The following ODAD1 variants were observed in gnomAD, a reference collection of about 807,000 sequenced individuals.
The protein encoded by ODAD1 is outer dynein arm docking complex subunit 1.
Under a neutral mutation model 67.2 loss-of-function variants are expected in ODAD1, and 49 were observed. That is an observed-to-expected ratio of 0.73 (90% CI 0.58 to 0.92). The LOEUF (loss-of-function observed/expected upper bound fraction) is 0.92, where lower values mean the gene tolerates loss of function less well. ODAD1 is among the 40% of genes least tolerant of loss of function. The probability of loss-of-function intolerance (pLI) is 0.00; values close to 1 mark genes in which losing one functional copy is unlikely to be tolerated. For synonymous variants in ODAD1, 345 were observed against 393.7 expected (o/e 0.88, Z 1.46); for missense variants, 897 against 953.7 (o/e 0.94, Z 0.78).
intron 11 of ODAD1, 22 bp from the exon 12 acceptor site, chr19:48,302,884 C>A (rs1165677493): frequency 1.2e-6 from 2 of 1,601,188 alleles, no homozygotes; most frequent in South Asian, 2.2e-5. Context: ...GGGCTGAATG[C>A]TGGGCCAGAT....
In ODAD1 at chr19:48,321,847, G is replaced by C. The variant is rs893815533; in HGVS notation, c.-233C>G. 3 of 398,496 alleles carry C rather than the reference G, an allele frequency of 7.5e-6. No individual in the cohort carries two copies. The highest frequency in any genetic ancestry group is 1.3e-4 in the South Asian group (1 of 7,878). 24.7% of individuals were successfully genotyped at this position (398,496 alleles called of 1,614,324 possible). On this transcript the variant is annotated 5_prime_UTR_variant, in exon 1 of 16. Transcript: ENST00000674294. ...GGAAGGAAGGCGGTGTCGAAGCCGG[G>C]AGTTGCGCGGAGAAGGAGCGCTCAA... is the stretch of plus-strand genomic sequence containing the variant.
intron 5 of ODAD1, among the ~76,000 whole-genome samples, chr19:48,312,412 G>GTTTTT (rs528076931): frequency 1.3e-5 from 1 of 76,936 alleles, no homozygotes; most frequent in Non-Finnish European, 2.3e-5. Flanking sequence ...TTTTTTTTTT[G>GTTTTT]TTTTTTTTTT....
rs886792871 is a variant in ODAD1, at chr19:48,318,402, C to A, written c.345G>T (p.Arg115Ser). Reference sequence around the variant, plus strand: ...CAAACCCCACCTGCTTGTCCAGGGCCCTGGTCTGCTCCTGCAGCTCCTCGA... The same window carrying A: ...CAAACCCCACCTGCTTGTCCAGGGCACTGGTCTGCTCCTGCAGCTCCTCGA... The part of the protein sequence containing the change: ...AEIEELQEQT[R>S]ALDKQIQEWE... The change falls in exon 5 of 16, where the codon AGG becomes AGT. Residue 115 changes from arginine to serine, a missense_variant. By Grantham distance (110) the Arg-to-Ser change is moderately radical (BLOSUM62 -1). Transcript: ENST00000674294. 3 of 1,551,572 alleles carry A rather than the reference C, an allele frequency of 1.9e-6. No homozygotes were observed. In the South Asian group the frequency reaches 3.6e-5, roughly 18 times the overall value.
intron 14 of ODAD1, 69 bp downstream of exon 14, chr19:48,297,931 A>G: frequency 7.8e-7 from 1 of 1,277,936 alleles, no homozygotes; most frequent in Non-Finnish European, 1.1e-6. Flanking sequence ...AAAACTCTCT[A>G]TCCTGTGTGT....
In ODAD1 at chr19:48,313,437, AAAAAAAAAACC is replaced by A. The variant is rs1326663787; in HGVS notation, c.361-1332_361-1322del. 2.9e-4 allele frequency among the ~76,000 whole-genome samples: 39 copies of A among 134,974 alleles called. 2 individuals carry two copies. The highest frequency in any genetic ancestry group is 3.7e-4 in the African/African-American group (12 of 32,688). The allele number at this position is 134,974 out of a possible 152,430, so 88.5% of individuals were successfully genotyped here. On this transcript the variant is annotated intron_variant, in intron 5 of 15. Transcript: ENST00000674294. ...ACAAGACTCCATCTCAAAAAAAAAAAAAAAAAAAACCAAAAAAAAACCTCACATGTTGAAGT... is the reference window on the plus strand; with the variant it reads ...ACAAGACTCCATCTCAAAAAAAAAAAAAAAAAAAACCTCACATGTTGAAGT...
intron 7 of ODAD1, among the ~76,000 whole-genome samples, chr19:48,309,555 GCTCCT>G (rs1300187375): frequency 6.6e-6 from 1 of 152,184 alleles, no homozygotes; most frequent in Non-Finnish European, 1.5e-5. Flanking sequence ...ACTCGGTAAA[GCTCCT>G]CTTCATCTTG....
chr19:48,304,093 T>C lies in ODAD1; in HGVS notation c.713A>G (p.Lys238Arg), dbSNP rs1211318588. 1.2e-6 allele frequency: 2 copies of C among 1,613,710 alleles called. No individual in the cohort carries two copies. Among genetic ancestry groups the C allele is most frequent in the Non-Finnish European group, 1.7e-6 (2 of 1,179,868 alleles). ...CTCCATCTCGCTCTGGGCCTCCTCT[T>C]TCTCCGCGCGCTCCCGCAGCAAGCC... ...KMGLLRERAE[K>R]EEAQSEMEAQ... The change falls in exon 9 of 16, where the codon AAA becomes AGA. Residue 238 changes from lysine (K) to arginine (R), a missense_variant. Coordinates refer to ENST00000674294, the MANE Select transcript of ODAD1 (RefSeq NM_001364171.2).
rs1296614698 is a variant in ODAD1, at chr19:48,311,679, A to G, written c.484-13T>C. On this transcript the variant is annotated splice_polypyrimidine_tract_variant and intron_variant, in intron 6 of 15. Coordinates refer to ENST00000674294, the MANE Select transcript of ODAD1 (RefSeq NM_001364171.2). ...AGTGACAGGTGACCTGGGAGTAGAA[A>G]GGTGGATGGAAGAGTGGGTCTGAAG... is the stretch of plus-strand genomic sequence containing the variant. 4 of 1,482,852 alleles carry G rather than the reference A, an allele frequency of 2.7e-6. No individual in the cohort carries two copies. The Admixed American group carries it at 7.9e-5, about 29-fold the overall frequency. 91.9% of individuals were successfully genotyped at this position (1,482,852 alleles called of 1,614,324 possible).
intron 5 of ODAD1, 102 bp from the exon 6 acceptor site, chr19:48,312,218 C>T: frequency 1.2e-6 from 1 of 814,536 alleles, no homozygotes; most frequent in Non-Finnish European, 2.0e-6. Flanking sequence ...CATCTGCTGT[C>T]CCTGTCACCC....
chr19:48,314,436 C>A (rs958226247), intron 5 of ODAD1, among the ~76,000 whole-genome samples: 3 of 152,126 alleles, frequency 2.0e-5, no homozygotes, highest in African/African-American at 7.2e-5. Flanking sequence ...AATCCACGTA[C>A]CAAAGATACC....
In ODAD1 at chr19:48,297,797, C is replaced by T. The variant is rs576880351; in HGVS notation, c.1503-129G>A. The T allele has an allele frequency of 1.4e-4, 137 of 946,948 alleles. 1 individual carries two copies. In the South Asian group the frequency reaches 2.4e-3, roughly 17 times the overall value. 58.7% of individuals were successfully genotyped at this position (946,948 alleles called of 1,614,324 possible). On this transcript the variant is annotated intron_variant, in intron 14 of 15. Transcript: ENST00000674294. ...CCCCGAGTGCCCTTCCCTTCTGGGG[C>T]ACCCGGGGCCCCATCCTCCCACACA...
intron 12 of ODAD1, among the ~76,000 whole-genome samples, chr19:48,299,174 C>G (rs932336206): frequency 6.6e-6 from 1 of 152,280 alleles, no homozygotes; most frequent in Admixed American, 6.5e-5. Flanking sequence ...TTTGGGAAGC[C>G]AAGGCAGGCA....
At chr19:48,305,942 C>T (rs1968595767) in intron 8 of ODAD1, among the ~76,000 whole-genome samples, 1 of 151,818 alleles carries the variant, frequency 6.6e-6, no homozygotes, top group African/African-American at 2.4e-5. Context: ...ACCTGTAATC[C>T]CAGCTACTCG....
At chr19:48,297,879 C>T in intron 14 of ODAD1, 121 bp downstream of exon 14, 5 of 852,320 alleles carry the variant, frequency 5.9e-6, no homozygotes, top group East Asian at 2.7e-5. Context: ...ATATTCTAAC[C>T]CCCCAGGGCC....
chr19:48,317,932 G>C (rs1369605313), intron 5 of ODAD1, among the ~76,000 whole-genome samples: 1 of 152,056 alleles, frequency 6.6e-6, no homozygotes, highest in African/African-American at 2.4e-5. Context: ...AAGTAGCCAG[G>C]CCTGGTGGTG....
intron 5 of ODAD1, among the ~76,000 whole-genome samples, chr19:48,313,426 CAAAAAAAAAAA>C (rs568077350): frequency 3.3e-5 from 1 of 30,040 alleles, no homozygotes; most frequent in African/African-American, 1.4e-4. Context: ...GACTCCATCT[CAAAAAAAAAAA>C]AAAAAAAAAC....
Position 48,303,993 on chromosome 19 carries a change from C to G in ODAD1, c.813G>C (p.Arg271=). The change falls in exon 9 of 16, where the codon CGG becomes CGC. Residue 271 remains arginine (R), a synonymous_variant. Transcript: ENST00000674294. ...HHFLKLKNND[R]QPDPDVLEKR... is the part of the protein sequence containing the mutation. ...TCTCCAGGACATCGGGATCCGGCTGCCGGTCGTTGTTCTTGAGCTTGAGGA... is the reference window on the plus strand; with the variant it reads ...TCTCCAGGACATCGGGATCCGGCTGGCGGTCGTTGTTCTTGAGCTTGAGGA... 1 of 1,614,218 alleles carries G rather than the reference C, an allele frequency of 6.2e-7. No homozygotes were observed. Among genetic ancestry groups the G allele is most frequent in the South Asian group, 1.1e-5 (1 of 91,086 alleles).
intron 12 of ODAD1, among the ~76,000 whole-genome samples, chr19:48,300,560 CTTCAG>C (rs1968436406): frequency 6.6e-6 from 1 of 151,996 alleles, no homozygotes; most frequent in Non-Finnish European, 1.5e-5. Context: ...AACTAAGAAA[CTTCAG>C]TTCATCACCA....
intron 2 of ODAD1, 113 bp from the exon 3 acceptor site, chr19:48,320,504 C>T (rs1375100402): frequency 6.9e-6 from 3 of 437,682 alleles, no homozygotes; most frequent in Non-Finnish European, 1.1e-5. Flanking sequence ...CCTAGAACCA[C>T]GCTGGCCTCA....
Sources: gnomAD v4.1 joint callset for allele counts (sites outside exome capture counted in the v4.1 genomes callset) on GRCh38, gnomAD v4.1.1 for gene constraint, MANE v1.5 for transcripts, NCBI Gene and HGNC (gene_info 2026-07-23, HGNC 2026-07-21) for gene names.